The following NFATC2 variants were observed in gnomAD, a reference collection of about 807,000 sequenced individuals.
The protein encoded by NFATC2 is nuclear factor of activated T cells 2, also known as nuclear factor of activated T-cells, cytoplasmic 2.
A neutral mutation model predicts 87.3 loss-of-function variants in NFATC2; 22 were observed. The ratio of observed to expected loss-of-function variants is 0.25; its 90% CI spans 0.18 to 0.36. The LOEUF (loss-of-function observed/expected upper bound fraction) is 0.36, where lower values mean the gene tolerates loss of function less well. NFATC2 is among the 10% of genes least tolerant of loss of function. The pLI, the probability that NFATC2 is intolerant of heterozygous loss-of-function variation, is 1.00. For missense variants in NFATC2, 1,149 were observed against 1,259.1 expected, an observed-to-expected ratio of 0.91 and a Z score of 1.32; for synonymous variants, 565 against 542.2, an observed-to-expected ratio of 1.04 and a Z score of -0.58.
intron 9 of NFATC2, among the ~76,000 whole-genome samples, chr20:51,403,061 C>T (rs60098001): frequency 0.024 from 3,654 of 152,352 alleles, 145 homozygotes; most frequent in African/African-American, 0.083. Context: ...CCCAACACAT[C>T]CACATTCTCC....
At position 51,516,808 on chromosome 20, in the gene NFATC2, T is replaced by C; in HGVS notation, c.1308A>G (p.Pro436=). The part of the protein sequence containing the change: ...TEGSRGAVKA[P]TGGHPVVQLH... ...CCTGAACCACAGGGTGGCCTCCAGT[T>C]GGAGCTTTGACAGCCCCTCGGCTGC... is the stretch of plus-strand genomic sequence containing the variant. The change falls in exon 3 of 11, where the codon CCA becomes CCG. Residue 436 remains proline (P), a synonymous_variant. Transcript: ENST00000371564. 6.2e-7 allele frequency: 1 copy of C among 1,611,918 alleles called. No individual in the cohort carries two copies. The highest frequency in any genetic ancestry group is 8.5e-7 in the Non-Finnish European group (1 of 1,178,598).
At chr20:51,517,031 C>T in intron 2 of NFATC2, 76 bp from the exon 3 acceptor site, 2 of 1,415,468 alleles carry the variant, frequency 1.4e-6, no homozygotes, top group Non-Finnish European at 1.9e-6. Context: ...TGTAAACGGC[C>T]CTTTCTGAAA....
chr20:51,523,537 T>C lies in NFATC2; in HGVS notation c.704A>G (p.His235Arg). 2 of 1,612,800 alleles carry C rather than the reference T, an allele frequency of 1.2e-6. No homozygotes were observed. Among genetic ancestry groups the C allele is most frequent in the Non-Finnish European group, 1.7e-6 (2 of 1,179,540 alleles). Residue 235 changes from histidine to arginine, a missense_variant, in exon 2 of 11, where the codon CAC becomes CGC. By Grantham distance (29) the His-to-Arg change is conservative (BLOSUM62 0). Coordinates refer to ENST00000371564, the MANE Select transcript of NFATC2 (RefSeq NM_012340.5). This position sits in a 1 kb window ranked among gnomAD's most constrained non-coding sequence, Gnocchi z 6.9. ...SLAEDSCLGR[H>R]SPVPRPASRS... The stretch of plus-strand genomic sequence containing the variant: ...GGAGGCCGGACGGGGCACGGGCGAG[T>C]GGCGGCCCAGGCAGCTGTCCTCGGC...
At chr20:51,521,166 C>A (rs2076438783) in intron 2 of NFATC2, among the ~76,000 whole-genome samples, 1 of 152,220 alleles carries the variant, frequency 6.6e-6, no homozygotes, top group East Asian at 1.9e-4. Flanking sequence ...GTTCTCAGAA[C>A]CTGCTGTGGA....
At chr20:51,425,015 C>A (rs1248003385) in intron 9 of NFATC2, among the ~76,000 whole-genome samples, 2 of 151,772 alleles carry the variant, frequency 1.3e-5, no homozygotes, top group African/African-American at 4.9e-5. Context: ...CATTGTGTGT[C>A]TATAGCACTG....
chr20:51,561,104 C>A (rs2077017128), intron 1 of NFATC2, among the ~76,000 whole-genome samples: 1 of 151,086 alleles, frequency 6.6e-6, no homozygotes, highest in Non-Finnish European at 1.5e-5. Context: ...GAGAGCATTG[C>A]TTTTACAGAT....
At chr20:51,531,750 TAC>T (rs1012898981) in intron 1 of NFATC2, among the ~76,000 whole-genome samples, 2 of 152,246 alleles carry the variant, frequency 1.3e-5, no homozygotes, top group Admixed American at 1.3e-4. Context: ...AAATGGGGCC[TAC>T]TGGATTATTA....
rs146363200 is a variant in NFATC2, at chr20:51,427,337, G to A, written c.2722+4730C>T. 3.2e-3 allele frequency among the ~76,000 whole-genome samples: 490 copies of A among 152,218 alleles called. 14 individuals carry two copies. The highest frequency in any genetic ancestry group is 0.028 in the Admixed American group (421 of 15,290). ...CCCAGCGCCTCTCCCGCTTGCTTGC[G>A]TCCTGAGTGGTAAAAAGTGCAGCCG... On this transcript the variant is annotated intron_variant, in intron 9 of 10. Coordinates refer to ENST00000371564, the MANE Select transcript of NFATC2 (RefSeq NM_012340.5).
At position 51,406,942 on chromosome 20, in the gene NFATC2, C is replaced by T. The variant is rs183093942; in HGVS notation, c.2723-8212G>A. Among the ~76,000 whole-genome samples the T allele has an allele frequency of 1.1e-3, 167 of 152,332 alleles. 1 individual carries two copies. Among genetic ancestry groups the T allele is most frequent in the African/African-American group, 3.4e-3 (143 of 41,582 alleles). ...CTCCCTAGCTGCCTGCCAGCACCCACCCACTGTCAGGACCCAGGGATCCCA... is the reference window on the plus strand; with the variant it reads ...CTCCCTAGCTGCCTGCCAGCACCCATCCACTGTCAGGACCCAGGGATCCCA... On this transcript the variant is annotated intron_variant, in intron 9 of 10. Coordinates refer to ENST00000371564, the MANE Select transcript of NFATC2 (RefSeq NM_012340.5).
chr20:51,477,580 T>TATATAA (rs1491275592), intron 3 of NFATC2, among the ~76,000 whole-genome samples: 167 of 69,844 alleles, frequency 2.4e-3, no homozygotes, highest in Non-Finnish European at 3.7e-3. Flanking sequence ...TATATATATA[T>TATATAA]AAAATAACAA....
intron 3 of NFATC2, among the ~76,000 whole-genome samples, chr20:51,496,793 C>T (rs1166545820): frequency 2.6e-5 from 4 of 152,196 alleles, no homozygotes; most frequent in African/African-American, 7.2e-5. Flanking sequence ...AACCAATCCC[C>T]TTGTGACCTC....
At chr20:51,519,091 T>C (rs2076400037) in intron 2 of NFATC2, among the ~76,000 whole-genome samples, 1 of 152,186 alleles carries the variant, frequency 6.6e-6, no homozygotes, top group South Asian at 2.1e-4. Flanking sequence ...CCAACATGCT[T>C]TCAAGCTTCT....
chr20:51,397,775 G>A (rs753147393), intron 10 of NFATC2, among the ~76,000 whole-genome samples: 22 of 152,174 alleles, frequency 1.4e-4, no homozygotes, highest in Non-Finnish European at 2.5e-4. Flanking sequence ...CTTCTCAAGC[G>A]TCAGCTCCCC....
Position 51,480,250 on chromosome 20 carries a change from T to C in NFATC2, c.1333-4590A>G, listed in dbSNP as rs1989131470. 6.6e-6 allele frequency among the ~76,000 whole-genome samples: 1 copy of C among 152,028 alleles called. No homozygotes were observed. The highest frequency in any genetic ancestry group is 1.5e-5 in the Non-Finnish European group (1 of 67,984). On this transcript the variant is annotated intron_variant, in intron 3 of 10. Coordinates refer to ENST00000371564, the MANE Select transcript of NFATC2 (RefSeq NM_012340.5). The surrounding 1 kb of genome is among the most constrained non-coding windows in gnomAD (Gnocchi z 4.2). The stretch of plus-strand genomic sequence containing the variant: ...TGGCAGTGAGCCGATATTGCACCAC[T>C]GCACTCCCGCCTGGGTCACAAAGCA...
intron 9 of NFATC2, among the ~76,000 whole-genome samples, chr20:51,430,092 G>A (rs1982470276): frequency 2.0e-5 from 3 of 152,126 alleles, no homozygotes; most frequent in Admixed American, 1.3e-4. Context: ...ACTTGGACAC[G>A]GGTGCCCCAA....
chr20:51,515,677 G>T (rs2076340048), intron 3 of NFATC2, among the ~76,000 whole-genome samples: 1 of 131,448 alleles, frequency 7.6e-6, no homozygotes, highest in Admixed American at 8.0e-5. Flanking sequence ...TGGCTATGGT[G>T]TCTGATTTAA....
At chr20:51,558,734 T>C (rs1019648286) in intron 1 of NFATC2, among the ~76,000 whole-genome samples, 1 of 152,222 alleles carries the variant, frequency 6.6e-6, no homozygotes, top group Non-Finnish European at 1.5e-5. Flanking sequence ...CCTGCTCCTA[T>C]GGTTCTGATT....
intron 10 of NFATC2, among the ~76,000 whole-genome samples, chr20:51,395,085 G>A (rs943632167): frequency 6.6e-6 from 1 of 152,216 alleles, no homozygotes; most frequent in Non-Finnish European, 1.5e-5. Flanking sequence ...TTGCTGATCT[G>A]TTACTTGTTT....
At chr20:51,554,484 T>G (rs1202000906) in intron 1 of NFATC2, among the ~76,000 whole-genome samples, 3 of 152,154 alleles carry the variant, frequency 2.0e-5, no homozygotes, top group Non-Finnish European at 4.4e-5. Flanking sequence ...CTACAGGAAC[T>G]CCTGAAAGTT....
Sources: gnomAD v4.1 joint callset for allele counts (sites outside exome capture counted in the v4.1 genomes callset) on GRCh38, gnomAD v4.1.1 for gene constraint, Gnocchi (gnomAD v3.1) non-coding constraint, MANE v1.5 for transcripts, NCBI Gene and HGNC (gene_info 2026-07-23, HGNC 2026-07-21) for gene names.